The following CYLD variants were observed in gnomAD, a reference collection of about 807,000 sequenced individuals.
CYLD encodes the protein ubiquitin carboxyl-terminal hydrolase CYLD.
Under a neutral mutation model 104.5 loss-of-function variants are expected in CYLD, and 26 were observed. The ratio of observed to expected loss-of-function variants is 0.25; its 90% CI spans 0.18 to 0.35. The LOEUF (loss-of-function observed/expected upper bound fraction) is 0.35, where lower values mean the gene tolerates loss of function less well. CYLD is among the 10% of genes least tolerant of loss of function. The pLI, the probability that CYLD is intolerant of heterozygous loss-of-function variation, is 1.00. For synonymous variants in CYLD, 385 were observed against 399.9 expected (o/e 0.96, Z 0.45); for missense variants, 703 against 1,136.1 (o/e 0.62, Z 5.48).
rs1040854050 is a variant in CYLD at position 50,800,222 on chromosome 16, G to A, written c.*3714G>A. On this transcript the variant is annotated 3_prime_UTR_variant, in exon 19 of 19. Transcript: ENST00000427738. ...AAAAATACAAATTCCTGGGTCCTAG[G>A]CCATGCCTGCTGAATCCGACTGTTC... 3.0e-5 allele frequency: 7 copies of A among 233,024 alleles called. No individual in the cohort carries two copies. The Admixed American group carries it at 3.4e-4, about 11-fold the overall frequency. The allele number at this position is 233,024 out of a possible 1,614,324, so 14.4% of individuals were successfully genotyped here.
intron 6 of CYLD, among the ~76,000 whole-genome samples, chr16:50,775,417 T>C (rs186163520): frequency 4.6e-5 from 7 of 152,366 alleles, no homozygotes; most frequent in African/African-American, 1.7e-4. Flanking sequence ...GTTGTGTGTC[T>C]CTGGCTTTCT....
Position 50,799,759 on chromosome 16 carries a change from C to A in CYLD, c.*3251C>A. 1 of 233,334 alleles carries A rather than the reference C, an allele frequency of 4.3e-6. No homozygotes were observed. The highest frequency in any genetic ancestry group is 6.0e-5 in the East Asian group (1 of 16,652). The allele number at this position is 233,334 out of a possible 1,614,324, so 14.5% of individuals were successfully genotyped here. A position where few individuals can be genotyped will look rare whatever the true frequency, so the allele number is the denominator to read the frequency against. On this transcript the variant is annotated 3_prime_UTR_variant, in exon 19 of 19. Coordinates refer to ENST00000427738, the MANE Select transcript of CYLD (RefSeq NM_001378743.1). Reference sequence around the variant, plus strand: ...CTTCATAGATTCAGGATTCACTACCCTCTATAGCTGGATCTTGAAAATTAT... The same window carrying A: ...CTTCATAGATTCAGGATTCACTACCATCTATAGCTGGATCTTGAAAATTAT...
chr16:50,777,784 A>G (rs745727514), intron 7 of CYLD, 41 bp from the exon 8 acceptor site: 1 of 1,108,606 alleles, frequency 9.0e-7, no homozygotes, highest in Non-Finnish European at 1.4e-6. Flanking sequence ...TTGATGCTAT[A>G]TTGACTTTAT....
intron 14 of CYLD, among the ~76,000 whole-genome samples, chr16:50,790,851 G>A (rs910101366): frequency 6.6e-6 from 1 of 152,028 alleles, no homozygotes; most frequent in African/African-American, 2.4e-5. Flanking sequence ...AGGATTATTA[G>A]TCCTTCTGGT....
At chr16:50,774,412 CA>C (rs1414023471) in intron 5 of CYLD, among the ~76,000 whole-genome samples, 1 of 152,178 alleles carries the variant, frequency 6.6e-6, no homozygotes, top group Non-Finnish European at 1.5e-5. Context: ...TTTTCCTCTA[CA>C]TTCATGCCTC....
In CYLD at chr16:50,793,681, TTAA is replaced by T. The variant is rs761505081; in HGVS notation, c.2469+19_2469+21del. ...AACACTCAAGTGAGCTTCCCTTCAC[TTAA>T]TGGATAAACTTTTGTTGAACAGTAA... is the stretch of plus-strand genomic sequence containing the variant. On this transcript the variant is annotated intron_variant, in intron 17 of 18. Coordinates refer to ENST00000427738, the MANE Select transcript of CYLD (RefSeq NM_001378743.1). 2.0e-6 allele frequency: 3 copies of T among 1,484,654 alleles called. No homozygotes were observed. The African/African-American group carries it at 4.1e-5, about 21-fold the overall frequency. The allele number at this position is 1,484,654 out of a possible 1,614,324, so 92.0% of individuals were successfully genotyped here.
intron 18 of CYLD, among the ~76,000 whole-genome samples, chr16:50,796,044 TATG>T (rs997724873): frequency 6.6e-6 from 1 of 152,130 alleles, no homozygotes; most frequent in East Asian, 1.9e-4. Flanking sequence ...GTATTGATAA[TATG>T]ATTCAGAGAG....
rs917426871 is a variant in CYLD, at chr16:50,798,064, C to T, written c.*1556C>T. Reference sequence around the variant, plus strand: ...TTTAGGGCTAGCCCTGCCTCCATCTCCCTTGGGTAAAATGAAGGGTGTGGG... The same window carrying T: ...TTTAGGGCTAGCCCTGCCTCCATCTTCCTTGGGTAAAATGAAGGGTGTGGG... On this transcript the variant is annotated 3_prime_UTR_variant, in exon 19 of 19. Coordinates refer to ENST00000427738, the MANE Select transcript of CYLD (RefSeq NM_001378743.1). The T allele has an allele frequency of 4.3e-6, 1 of 232,280 alleles. No individual in the cohort carries two copies. Among genetic ancestry groups the T allele is most frequent in the African/African-American group, 2.2e-5 (1 of 45,280 alleles). The allele number at this position is 232,280 out of a possible 1,614,324, so 14.4% of individuals were successfully genotyped here.
chr16:50,782,271 G>A (rs1374324729), intron 10 of CYLD, 54 bp from the exon 11 acceptor site: 6 of 1,313,858 alleles, frequency 4.6e-6, no homozygotes, highest in Admixed American at 2.1e-5. Context: ...AATACATATT[G>A]TAATAGTTTA....
At chr16:50,745,362 GTTTTTTT>G (rs535675323) in intron 2 of CYLD, among the ~76,000 whole-genome samples, 5 of 78,754 alleles carry the variant, frequency 6.3e-5, no homozygotes, top group African/African-American at 1.1e-4. Flanking sequence ...TTTCCTCTTT[GTTTTTTT>G]TTTTTTTTTT....
At chr16:50,771,638 C>A (rs1969164715) in intron 5 of CYLD, among the ~76,000 whole-genome samples, 2 of 152,120 alleles carry the variant, frequency 1.3e-5, no homozygotes, top group African/African-American at 4.8e-5. Context: ...TATGAGGGTT[C>A]TAATTTCTTT....
chr16:50,799,039 A>G lies in CYLD; in HGVS notation c.*2531A>G, dbSNP rs1424116451. On this transcript the variant is annotated 3_prime_UTR_variant, in exon 19 of 19. Coordinates refer to ENST00000427738, the MANE Select transcript of CYLD (RefSeq NM_001378743.1). ...CTTCAGCACAGCCTGGTTTGTCAAG[A>G]GGCACATAGTTGGGGCTGGGCTGCA... 1 of 233,270 alleles carries G rather than the reference A, an allele frequency of 4.3e-6. No homozygotes were observed. The highest frequency in any genetic ancestry group is 8.5e-6 in the Non-Finnish European group (1 of 118,082). 14.5% of individuals were successfully genotyped at this position (233,270 alleles called of 1,614,324 possible).
At chr16:50,782,250 A>T (rs1970290767) in intron 10 of CYLD, 75 bp from the exon 11 acceptor site, 1 of 1,175,896 alleles carries the variant, frequency 8.5e-7, no homozygotes. Flanking sequence ...AAATGAAAAA[A>T]TATTTATGGG....
chr16:50,742,232 G>A (rs910791567), intron 1 of CYLD, 108 bp downstream of exon 1: 13 of 151,388 alleles, frequency 8.6e-5, no homozygotes, highest in African/African-American at 3.1e-4. Context: ...TGAATGAGCG[G>A]GCGGCTGGCG....
intron 11 of CYLD, 128 bp downstream of exon 11, chr16:50,782,594 G>C: frequency 2.1e-6 from 2 of 946,318 alleles, no homozygotes; most frequent in South Asian, 2.9e-5. Context: ...TAGAGAAACT[G>C]GATGACTGTG....
Position 50,754,431 on chromosome 16 carries a change from T to C in CYLD, c.913+7T>C, listed in dbSNP as rs1210439311. 1.3e-6 allele frequency: 2 copies of C among 1,572,658 alleles called. No homozygotes were observed. The highest frequency in any genetic ancestry group is 3.6e-4 in the Middle Eastern group (2 of 5,486). ...ATCAATGATATCATCCCAGGTATGT[T>C]TTCTTTGTTTTATACATTTATAAGG... On this transcript the variant is annotated splice_region_variant and intron_variant, in intron 5 of 18. Transcript: ENST00000427738.
intron 11 of CYLD, 57 bp downstream of exon 11, chr16:50,782,523 C>A: frequency 6.5e-7 from 1 of 1,546,492 alleles, no homozygotes; most frequent in Non-Finnish European, 8.9e-7. Flanking sequence ...GGGACACATA[C>A]CGGTGTGTGT....
rs1209039940 is a variant in CYLD at position 50,796,566 on chromosome 16, T to C, written c.*58T>C. 13 of 1,563,038 alleles carry C rather than the reference T, an allele frequency of 8.3e-6. No homozygotes were observed. The highest frequency in any genetic ancestry group is 2.2e-5 in the East Asian group (1 of 44,694). ...GGCAGAGTCCTAACGTTGCATCTTATTCGAGCTGGCAGTTCTGTTCACGTC... is the reference window on the plus strand; with the variant it reads ...GGCAGAGTCCTAACGTTGCATCTTACTCGAGCTGGCAGTTCTGTTCACGTC... On this transcript the variant is annotated 3_prime_UTR_variant, in exon 19 of 19. Transcript: ENST00000427738.
intron 6 of CYLD, 77 bp from the exon 7 acceptor site, chr16:50,776,102 A>AT: frequency 9.3e-7 from 1 of 1,077,118 alleles, no homozygotes; most frequent in Non-Finnish European, 1.4e-6. Context: ...GGGTTTTTTT[A>AT]TTTTGTTACT....
Sources: allele counts gnomAD v4.1 joint callset (sites outside exome capture counted in the v4.1 genomes callset), GRCh38; gene constraint gnomAD v4.1.1; transcripts MANE v1.5; gene names NCBI Gene and HGNC (gene_info 2026-07-23, HGNC 2026-07-21).